The following TOGARAM2 variants were observed in gnomAD, a reference collection of about 807,000 sequenced individuals.
TOGARAM2 encodes the protein TOG array regulator of axonemal microtubules protein 2.
Under a neutral mutation model 93.3 loss-of-function variants are expected in TOGARAM2, and 85 were observed. That is an observed-to-expected ratio of 0.91 (90% CI 0.76 to 1.09). The LOEUF (loss-of-function observed/expected upper bound fraction) is 1.09, where lower values mean the gene tolerates loss of function less well. Among genes scored for constraint, TOGARAM2 ranks in the 50% least tolerant of loss-of-function variants. TOGARAM2 has a pLI of 0.00. For missense variants in TOGARAM2, 1,277 were observed against 1,334.5 expected, an observed-to-expected ratio of 0.96 and a Z score of 0.67; for synonymous variants, 593 against 552.8, an observed-to-expected ratio of 1.07 and a Z score of -1.02.
intron 19 of TOGARAM2, chr2:29,047,382 G>A (rs924313132): frequency 1.3e-5 from 2 of 152,204 alleles, no homozygotes; most frequent in Non-Finnish European, 2.9e-5. Flanking sequence ...TCCACTTACT[G>A]TAATTTTTTC....
At chr2:29,007,198 C>T (rs1356828962) in intron 6 of TOGARAM2, among the ~76,000 whole-genome samples, 1 of 152,160 alleles carries the variant, frequency 6.6e-6, no homozygotes, top group African/African-American at 2.4e-5. Context: ...CTGGAACCAT[C>T]CACAGGTCAG....
rs145084925 is a variant in TOGARAM2, at chr2:29,016,280, C to A, written c.1045-874C>A. 9.8e-3 allele frequency among the ~76,000 whole-genome samples: 1,488 copies of A among 152,232 alleles called. 20 individuals carry two copies. Among genetic ancestry groups the A allele is most frequent in the African/African-American group, 0.033 (1,386 of 41,524 alleles). On this transcript the variant is annotated intron_variant, in intron 8 of 19. Coordinates refer to ENST00000379558, the MANE Select transcript of TOGARAM2 (RefSeq NM_199280.4). ...CCAGAATCTGCCCACCCCACCATCC[C>A]CATCGCCGTCCAAGCCCCACCACCT...
intron 10 of TOGARAM2, among the ~76,000 whole-genome samples, chr2:29,019,219 C>T (rs1249952693): frequency 1.4e-5 from 2 of 141,290 alleles, no homozygotes; most frequent in African/African-American, 5.2e-5. Context: ...CTCACTCTGT[C>T]GCCCAGGCTG....
chr2:28,981,269 C>G (rs901341876), upstream of TOGARAM2: 1 of 152,270 alleles, frequency 6.6e-6, no homozygotes, highest in African/African-American at 2.4e-5. Flanking sequence ...GCTATGGGCT[C>G]CTTCAGCGAG....
intron 1 of TOGARAM2, among the ~76,000 whole-genome samples, chr2:28,992,578 C>T (rs184491415): frequency 6.6e-6 from 1 of 152,304 alleles, no homozygotes; most frequent in East Asian, 1.9e-4. Flanking sequence ...GCTGTTGAAA[C>T]TTAAGCATCC....
At chr2:28,977,619 G>T (rs1490744358), upstream of TOGARAM2, among the ~76,000 whole-genome samples, 2 of 152,168 alleles carry the variant, frequency 1.3e-5, no homozygotes, top group Non-Finnish European at 2.9e-5. Flanking sequence ...AGTCAGGTTG[G>T]TGTCGCTCTC....
At chr2:29,007,298 C>A (rs1311735379) in intron 6 of TOGARAM2, among the ~76,000 whole-genome samples, 1 of 152,192 alleles carries the variant, frequency 6.6e-6, no homozygotes, top group Non-Finnish European at 1.5e-5. Context: ...GAGGTTGTGC[C>A]ACCATCATGG....
At chr2:28,996,630 TG>T (rs1430581674) in intron 2 of TOGARAM2, among the ~76,000 whole-genome samples, 2 of 151,888 alleles carry the variant, frequency 1.3e-5, no homozygotes, top group African/African-American at 4.8e-5. Flanking sequence ...GAGACCAGCC[TG>T]GGCAACATGG....
At chr2:29,003,774 T>A (rs2148291953) in intron 6 of TOGARAM2, 92 bp downstream of exon 6, 3 of 1,193,434 alleles carry the variant, frequency 2.5e-6, no homozygotes, top group Non-Finnish European at 3.4e-6. Flanking sequence ...CCCTCCATGC[T>A]GTGGCAGAGT....
At chr2:29,045,449 A>G (rs1666687905) in intron 19 of TOGARAM2, 39 bp downstream of exon 19, 2 of 1,382,230 alleles carry the variant, frequency 1.4e-6, no homozygotes, top group Non-Finnish European at 2.0e-6. Context: ...ATCTCCTGGC[A>G]GATTTCTGTT....
chr2:28,959,416 T>G (rs1408501517), intron 1 of TOGARAM2, among the ~76,000 whole-genome samples: 1 of 152,188 alleles, frequency 6.6e-6, no homozygotes, highest in East Asian at 1.9e-4. Flanking sequence ...GTTTTTCACT[T>G]CTTTTCCCAA....
At chr2:29,011,820 C>T (rs886834684) in intron 7 of TOGARAM2, among the ~76,000 whole-genome samples, 3 of 152,202 alleles carry the variant, frequency 2.0e-5, no homozygotes, top group Non-Finnish European at 4.4e-5. Context: ...AGCTGGCACA[C>T]GAAGGCTCTG....
At chr2:29,017,113 TG>T in intron 8 of TOGARAM2, 40 bp from the exon 9 acceptor site, 1 of 1,593,318 alleles carries the variant, frequency 6.3e-7, no homozygotes, top group Non-Finnish European at 8.6e-7. Flanking sequence ...GATGATTGAA[TG>T]AATGGGAGGT....
intron 6 of TOGARAM2, among the ~76,000 whole-genome samples, chr2:29,005,191 G>A (rs1389939256): frequency 1.2e-5 from 1 of 83,806 alleles, no homozygotes; most frequent in African/African-American, 3.4e-5. Flanking sequence ...TGTGTGCAGT[G>A]TGTGTGTGCA....
At chr2:29,009,912 C>T (rs2148318257) in intron 6 of TOGARAM2, among the ~76,000 whole-genome samples, 1 of 152,266 alleles carries the variant, frequency 6.6e-6, no homozygotes, top group East Asian at 1.9e-4. Context: ...GTCTTGGCCT[C>T]AGTCCTTTCT....
In TOGARAM2 at chr2:29,022,146, TTGTGAA is replaced by T; in HGVS notation, c.1361-9_1361-4del. 6.2e-7 allele frequency: 1 copy of T among 1,613,984 alleles called. No individual in the cohort carries two copies. The highest frequency in any genetic ancestry group is 8.5e-7 in the Non-Finnish European group (1 of 1,179,864). Reference sequence around the variant, plus strand: ...CTGCGTGAAGCCTGCTGTTTCTTTCTTGTGAATGCAGCTAACTCATTACCTGCGGTG... The same window carrying T: ...CTGCGTGAAGCCTGCTGTTTCTTTCTTGCAGCTAACTCATTACCTGCGGTG... On this transcript the variant is annotated splice_region_variant and splice_polypyrimidine_tract_variant and intron_variant, in intron 10 of 19. Coordinates refer to ENST00000379558, the MANE Select transcript of TOGARAM2 (RefSeq NM_199280.4).
At chr2:28,995,008 T>C (rs1199173044) in intron 2 of TOGARAM2, 146 bp downstream of exon 2, 2 of 967,514 alleles carry the variant, frequency 2.1e-6, no homozygotes, top group South Asian at 1.5e-5. Flanking sequence ...TTTCCAGCCC[T>C]GGCCAGCTCC....
At chr2:28,982,122 G>A (rs1672225731) in intron 1 of TOGARAM2, among the ~76,000 whole-genome samples, 1 of 152,198 alleles carries the variant, frequency 6.6e-6, no homozygotes, top group Non-Finnish European at 1.5e-5. Flanking sequence ...AAGCCCCCTT[G>A]GTGCTGTCTG....
chr2:29,042,425 T>C (rs1479395479), intron 18 of TOGARAM2, among the ~76,000 whole-genome samples: 1 of 152,182 alleles, frequency 6.6e-6, no homozygotes, highest in African/African-American at 2.4e-5. Flanking sequence ...GAGGGGATGT[T>C]TGGGGCCAGA....
Sources: gnomAD v4.1 joint callset for allele counts (sites outside exome capture counted in the v4.1 genomes callset) on GRCh38, gnomAD v4.1.1 for gene constraint, MANE v1.5 for transcripts, NCBI Gene and HGNC (gene_info 2026-07-23, HGNC 2026-07-21) for gene names.